SMYD3: variants seen among roughly 807,000 people sequenced by gnomAD.
The protein encoded by SMYD3 is SET and MYND domain containing 3.
In SMYD3, 36 loss-of-function variants were observed where a neutral mutation model predicts 57.7. The observed-to-expected ratio is 0.62, with a 90% confidence interval of 0.48 to 0.82. The LOEUF (loss-of-function observed/expected upper bound fraction) is 0.82, where lower values mean the gene tolerates loss of function less well. Among genes scored for constraint, SMYD3 ranks in the 40% least tolerant of loss-of-function variants. The pLI is 0.00. For missense variants in SMYD3, 515 were observed against 538.8 expected (o/e 0.96, Z 0.44); for synonymous variants, 211 against 195.0 (o/e 1.08, Z -0.68).
intron 1 of SMYD3, among the ~76,000 whole-genome samples, chr1:246,385,199 C>T (rs897650161): frequency 6.6e-6 from 1 of 152,084 alleles, no homozygotes; most frequent in Admixed American, 6.5e-5. Flanking sequence ...AAACTATGTG[C>T]ATAACACAAT....
intron 1 of SMYD3, among the ~76,000 whole-genome samples, chr1:246,504,398 AC>A (rs1313540367): frequency 6.6e-6 from 1 of 152,198 alleles, no homozygotes. Context: ...ATAAACCTGC[AC>A]CGCGTGTTAC....
At chr1:246,142,575 C>T (rs1470240178) in intron 5 of SMYD3, among the ~76,000 whole-genome samples, 2 of 152,146 alleles carry the variant, frequency 1.3e-5, no homozygotes, top group Admixed American at 6.5e-5. Flanking sequence ...GTCGTGTATA[C>T]GCATGGATAC....
chr1:246,426,047 T>C (rs1253029860), intron 1 of SMYD3: 2 of 152,192 alleles, frequency 1.3e-5, no homozygotes, highest in Non-Finnish European at 2.9e-5. Flanking sequence ...GGAGAAAGAC[T>C]AGAACAAGGA....
intron 5 of SMYD3, among the ~76,000 whole-genome samples, chr1:245,952,897 G>A (rs1027472143): frequency 6.6e-6 from 1 of 152,140 alleles, no homozygotes; most frequent in African/African-American, 2.4e-5. Flanking sequence ...TACCCATTGA[G>A]GTTTCCTTGT....
At chr1:245,977,163 ATCT>A (rs2058465894) in intron 5 of SMYD3, among the ~76,000 whole-genome samples, 2 of 152,226 alleles carry the variant, frequency 1.3e-5, no homozygotes, top group South Asian at 4.1e-4. Context: ...AATTAGAATC[ATCT>A]TTTTACAAAC....
At chr1:246,451,296 A>T (rs1487637378) in intron 1 of SMYD3, among the ~76,000 whole-genome samples, 1 of 152,266 alleles carries the variant, frequency 6.6e-6, no homozygotes, top group African/African-American at 2.4e-5. Context: ...ATGAAATATT[A>T]TTCTGCACTA....
chr1:245,972,892 G>A (rs1430266082), intron 5 of SMYD3, among the ~76,000 whole-genome samples: 3 of 152,232 alleles, frequency 2.0e-5, no homozygotes, highest in Non-Finnish European at 2.9e-5. Context: ...CTCCTTTGAA[G>A]CTACTCAATT....
At chr1:246,122,808 C>T (rs185173822) in intron 5 of SMYD3, among the ~76,000 whole-genome samples, 7 of 152,276 alleles carry the variant, frequency 4.6e-5, no homozygotes, top group African/African-American at 7.2e-5. Context: ...CCCTGCTCTC[C>T]GGGACTAATT....
At chr1:246,047,446 A>G (rs773735375) in intron 5 of SMYD3, among the ~76,000 whole-genome samples, 2 of 152,234 alleles carry the variant, frequency 1.3e-5, no homozygotes, top group Non-Finnish European at 2.9e-5. Context: ...GCATTAGCAT[A>G]TGTGCATCTC....
rs867252881 is a variant in SMYD3, at chr1:245,987,698, T to C, written c.532-57761A>G. 1.1e-3 allele frequency among the ~76,000 whole-genome samples: 175 copies of C among 152,180 alleles called. 2 individuals are homozygous for C. Among genetic ancestry groups the C allele is most frequent in the Non-Finnish European group, 3.8e-4 (26 of 68,038 alleles). Reference sequence around the variant, plus strand: ...CCCAAGGCACACGACTTATCAACAGTGGAGACGGAATCTGAACTCAGTCTT... The same window carrying C: ...CCCAAGGCACACGACTTATCAACAGCGGAGACGGAATCTGAACTCAGTCTT... On this transcript the variant is annotated intron_variant, in intron 5 of 11. Coordinates refer to ENST00000490107, the MANE Select transcript of SMYD3 (RefSeq NM_001167740.2).
At chr1:246,207,506 CTAAAT>C in intron 5 of SMYD3, among the ~76,000 whole-genome samples, 2 of 151,912 alleles carry the variant, frequency 1.3e-5, no homozygotes, top group African/African-American at 4.8e-5. Flanking sequence ...CTGGGAGTTA[CTAAAT>C]AAAGGTGATG....
chr1:246,281,497 C>G (rs2064441375), intron 5 of SMYD3, among the ~76,000 whole-genome samples: 1 of 152,172 alleles, frequency 6.6e-6, no homozygotes, highest in African/African-American at 2.4e-5. Flanking sequence ...CTGATCATAT[C>G]ATACCGCAAT....
intron 5 of SMYD3, among the ~76,000 whole-genome samples, chr1:246,006,031 G>GCAA (rs2059162066): frequency 2.6e-5 from 1 of 38,548 alleles, no homozygotes. Context: ...TATTGAAAGG[G>GCAA]GAGAAAAGGC....
At chr1:245,828,281 C>A (rs1272791316) in intron 10 of SMYD3, among the ~76,000 whole-genome samples, 1 of 152,098 alleles carries the variant, frequency 6.6e-6, no homozygotes, top group Non-Finnish European at 1.5e-5. Context: ...CCTCAAAATT[C>A]TTCAATAAAT....
At chr1:245,997,880 C>T (rs1297855064) in intron 5 of SMYD3, among the ~76,000 whole-genome samples, 1 of 152,206 alleles carries the variant, frequency 6.6e-6, no homozygotes, top group Non-Finnish European at 1.5e-5. Context: ...CCTACACTTC[C>T]CTGGAGAGAT....
intron 5 of SMYD3, among the ~76,000 whole-genome samples, chr1:246,258,633 T>C (rs2063941791): frequency 6.6e-6 from 1 of 152,220 alleles, no homozygotes; most frequent in Non-Finnish European, 1.5e-5. Flanking sequence ...GACCTTTTTC[T>C]CTAGCTGCCT....
At position 245,874,345 on chromosome 1, in the gene SMYD3, A is replaced by G. The variant is rs563357903; in HGVS notation, c.814-10459T>C. Reference sequence around the variant, plus strand: ...TTTGCTTATCTGCTAAAGCGAGCACATCAGATTATCTAATCTGTGGTTCTG... The same window carrying G: ...TTTGCTTATCTGCTAAAGCGAGCACGTCAGATTATCTAATCTGTGGTTCTG... On this transcript the variant is annotated intron_variant, in intron 8 of 11. Coordinates refer to ENST00000490107, the MANE Select transcript of SMYD3 (RefSeq NM_001167740.2). Among the ~76,000 whole-genome samples, 4 of 152,342 alleles carry G rather than the reference A, an allele frequency of 2.6e-5. No homozygotes were observed. The South Asian group carries it at 8.3e-4, about 32-fold the overall frequency.
chr1:245,805,653 G>T (rs956900421), intron 10 of SMYD3, among the ~76,000 whole-genome samples: 2 of 152,100 alleles, frequency 1.3e-5, no homozygotes, highest in African/African-American at 4.8e-5. Flanking sequence ...AAACTATTTT[G>T]CTTTTTTACC....
intron 5 of SMYD3, among the ~76,000 whole-genome samples, chr1:246,290,366 C>T (rs774863665): frequency 1.4e-4 from 21 of 152,156 alleles, no homozygotes; most frequent in Non-Finnish European, 2.8e-4. Flanking sequence ...AAGAGAAGCC[C>T]TGAAAACCCT....
Sources: gnomAD v4.1 joint callset for allele counts (sites outside exome capture counted in the v4.1 genomes callset) on GRCh38, gnomAD v4.1.1 for gene constraint, MANE v1.5 for transcripts, NCBI Gene and HGNC (gene_info 2026-07-23, HGNC 2026-07-21) for gene names.